CELF4: variants seen among roughly 807,000 people sequenced by gnomAD.
CELF4 encodes CUG-BP- and ETR-3-like factor 4.
CELF4 carries 18 observed loss-of-function variants against 59.9 expected under a neutral mutation model. That is an observed-to-expected ratio of 0.30 (90% CI 0.21 to 0.45). CELF4 has a LOEUF of 0.45. Among genes scored for constraint, CELF4 ranks in the 20% least tolerant of loss-of-function variants. The pLI, the probability that CELF4 is intolerant of heterozygous loss-of-function variation, is 1.00. For missense variants in CELF4, 456 were observed against 689.0 expected (o/e 0.66, Z 3.79); for synonymous variants, 261 against 267.1 (o/e 0.98, Z 0.22).
intron 2 of CELF4, among the ~76,000 whole-genome samples, chr18:37,451,951 T>C (rs1339944986): frequency 1.3e-5 from 2 of 152,130 alleles, no homozygotes; most frequent in Non-Finnish European, 2.9e-5. Context: ...ATCCCAGCAC[T>C]TTCTGCCCAC....
chr18:37,377,672 G>A (rs1019874090), intron 2 of CELF4, among the ~76,000 whole-genome samples: 4 of 152,220 alleles, frequency 2.6e-5, no homozygotes, highest in Non-Finnish European at 5.9e-5. Flanking sequence ...AGGAAGACGG[G>A]TGTGTTCCTG....
chr18:37,336,664 G>A (rs1162416828), intron 2 of CELF4, among the ~76,000 whole-genome samples: 1 of 6,434 alleles, frequency 1.6e-4, no homozygotes, highest in East Asian at 5.7e-3. Flanking sequence ...ACACGTGCAT[G>A]CCAGCAGGGA....
In CELF4 at chr18:37,519,771, C is replaced by G. The variant is rs192873875; in HGVS notation, c.287-34164G>C. 1.6e-3 allele frequency among the ~76,000 whole-genome samples: 239 copies of G among 152,284 alleles called. 1 individual carries two copies. Among genetic ancestry groups the G allele is most frequent in the African/African-American group, 5.6e-3 (234 of 41,550 alleles). On this transcript the variant is annotated intron_variant, in intron 1 of 12. Coordinates refer to ENST00000420428, the MANE Select transcript of CELF4 (RefSeq NM_020180.4). ...ATTTATGGAGCTTGCTGGGCACTGT[C>G]TTACTTCAGATAAGCAGTGTGGATG... is the stretch of plus-strand genomic sequence containing the variant.
At chr18:37,494,831 G>A (rs778415601) in intron 1 of CELF4, among the ~76,000 whole-genome samples, 1 of 152,178 alleles carries the variant, frequency 6.6e-6, no homozygotes, top group Non-Finnish European at 1.5e-5. Flanking sequence ...AGGGTCCTTG[G>A]AAGGGAGAGG....
chr18:37,353,052 T>C (rs1462541141), intron 2 of CELF4, among the ~76,000 whole-genome samples: 1 of 151,750 alleles, frequency 6.6e-6, no homozygotes, highest in Admixed American at 6.6e-5. Context: ...AAACCCTGTC[T>C]CTACTAAAAA....
rs1434092108 is a variant in CELF4, at chr18:37,320,092, C to T, written c.448+1711G>A. Among the ~76,000 whole-genome samples, 4 of 151,988 alleles carry T rather than the reference C, an allele frequency of 2.6e-5. No homozygotes were observed. In the East Asian group the frequency reaches 5.9e-4, roughly 22 times the overall value. On this transcript the variant is annotated intron_variant, in intron 3 of 12. Transcript: ENST00000420428. ...GTGGCTCACGCCTGTAATCCCAGCA[C>T]TTTGGGAGGCCGAGGCGGGCAGATC... is the stretch of plus-strand genomic sequence containing the variant.
intron 2 of CELF4, among the ~76,000 whole-genome samples, chr18:37,382,215 A>T (rs2099048319): frequency 6.6e-6 from 1 of 152,198 alleles, no homozygotes; most frequent in Admixed American, 6.5e-5. Flanking sequence ...CATTTTACAG[A>T]TGGAAAAGCT....
At chr18:37,345,264 G>C (rs763371364) in intron 2 of CELF4, among the ~76,000 whole-genome samples, 1 of 152,210 alleles carries the variant, frequency 6.6e-6, no homozygotes, top group Non-Finnish European at 1.5e-5. Context: ...AAGCAAGAAG[G>C]TTCCCTTCAC....
intron 1 of CELF4, among the ~76,000 whole-genome samples, chr18:37,505,694 C>A (rs1371553265): frequency 6.6e-6 from 1 of 152,216 alleles, no homozygotes; most frequent in Non-Finnish European, 1.5e-5. Context: ...CCCATCTGGG[C>A]TCTACCACTT....
chr18:37,403,198 A>T (rs975310294), intron 2 of CELF4, among the ~76,000 whole-genome samples: 1 of 152,030 alleles, frequency 6.6e-6, no homozygotes, highest in African/African-American at 2.4e-5. Flanking sequence ...AGCAGTCCTC[A>T]TTGGACTAAA....
Position 37,353,233 on chromosome 18 carries a change from A to AAAATATATATATAT in CELF4, c.370-31353_370-31352insATATATATATATTT, listed in dbSNP as rs71168258. On this transcript the variant is annotated intron_variant, in intron 2 of 12. Transcript: ENST00000420428. ...GAGACTCCGTCTCAAAAAAAAAAAA[A>AAAATATATATATAT]ATATATATATATATATACATAAAAG... 1.6e-3 allele frequency among the ~76,000 whole-genome samples: 170 copies of AAAATATATATATAT among 106,928 alleles called. 1 individual carries two copies. Among genetic ancestry groups the AAAATATATATATAT allele is most frequent in the Non-Finnish European group, 2.1e-3 (114 of 54,942 alleles). The allele number at this position is 106,928 out of a possible 152,430, so 70.1% of individuals were successfully genotyped here. A position where few individuals can be genotyped will look rare whatever the true frequency, so the allele number is the denominator to read the frequency against.
chr18:37,352,253 G>A (rs1039705482), intron 2 of CELF4, among the ~76,000 whole-genome samples: 2 of 152,218 alleles, frequency 1.3e-5, no homozygotes, highest in Admixed American at 1.3e-4. Flanking sequence ...CACCAAGCAA[G>A]GGGACTATGA....
chr18:37,537,812 C>A (rs1182073419), intron 1 of CELF4, among the ~76,000 whole-genome samples: 1 of 152,238 alleles, frequency 6.6e-6, no homozygotes, highest in Non-Finnish European at 1.5e-5. Context: ...GAGGTGCCCA[C>A]CTGATCTGGG....
At chr18:37,563,413 C>A (rs529573760) in intron 1 of CELF4, among the ~76,000 whole-genome samples, 1 of 152,044 alleles carries the variant, frequency 6.6e-6, no homozygotes, top group African/African-American at 2.4e-5. Context: ...TTAAGATGAG[C>A]AGAAGACTTC....
At chr18:37,248,496 C>T (rs2063444782) in intron 12 of CELF4, among the ~76,000 whole-genome samples, 4 of 152,110 alleles carry the variant, frequency 2.6e-5, no homozygotes, top group South Asian at 4.1e-4. Flanking sequence ...GGCACAGAGG[C>T]GAGCGCCTCC....
chr18:37,341,217 G>C (rs1020488729), intron 2 of CELF4, among the ~76,000 whole-genome samples: 2 of 152,178 alleles, frequency 1.3e-5, no homozygotes, highest in African/African-American at 4.8e-5. Context: ...TGTCCTCCCA[G>C]GGGGCCTTGG....
chr18:37,411,205 C>G (rs563970934), intron 2 of CELF4, among the ~76,000 whole-genome samples: 1 of 152,344 alleles, frequency 6.6e-6, no homozygotes, highest in South Asian at 2.1e-4. Flanking sequence ...ATCCTCCCAC[C>G]TTGGCCTCCC....
intron 2 of CELF4, among the ~76,000 whole-genome samples, chr18:37,385,824 T>C (rs1363525518): frequency 6.6e-6 from 1 of 152,260 alleles, no homozygotes; most frequent in African/African-American, 2.4e-5. Context: ...ATGTGGACTA[T>C]TTTCAATATG....
chr18:37,477,169 G>A (rs1345733910), intron 2 of CELF4, among the ~76,000 whole-genome samples: 1 of 152,214 alleles, frequency 6.6e-6, no homozygotes, highest in East Asian at 1.9e-4. Context: ...AGGCACAGGC[G>A]CAGAAAGAGG....
Sources: allele counts gnomAD v4.1 joint callset (sites outside exome capture counted in the v4.1 genomes callset), GRCh38; gene constraint gnomAD v4.1.1; transcripts MANE v1.5; gene names NCBI Gene and HGNC (gene_info 2026-07-23, HGNC 2026-07-21).